NR3C2: variants seen among roughly 807,000 people sequenced by gnomAD.
NR3C2 encodes the protein nuclear receptor subfamily 3 group C member 2, also known as mineralocorticoid receptor.
A neutral mutation model predicts 86.4 loss-of-function variants in NR3C2; 15 were observed. The observed-to-expected ratio is 0.17, with a 90% CI of 0.12 to 0.27. The LOEUF is 0.27. Among genes scored for constraint, NR3C2 ranks in the 10% least tolerant of loss-of-function variants. NR3C2 has a pLI of 1.00. For missense variants in NR3C2, 960 were observed against 1,195.6 expected, an observed-to-expected ratio of 0.80 and a Z score of 2.91; for synonymous variants, 458 against 450.5, an observed-to-expected ratio of 1.02 and a Z score of -0.21.
At chr4:148,439,512 A>G (rs561324093) in intron 1 of NR3C2, among the ~76,000 whole-genome samples, 2 of 152,162 alleles carry the variant, frequency 1.3e-5, no homozygotes, top group East Asian at 3.9e-4. Context: ...CGTCACTCAC[A>G]TAGCCTCATT....
At chr4:148,094,726 A>AAC (rs1305688892) in intron 8 of NR3C2, among the ~76,000 whole-genome samples, 4 of 150,518 alleles carry the variant, frequency 2.7e-5, no homozygotes, top group African/African-American at 9.9e-5. Context: ...AAAAAAAAAA[A>AAC]CAAAAAAAAC....
Position 148,267,489 on chromosome 4 carries a change from T to G in NR3C2, c.1758-7372A>C, listed in dbSNP as rs138446165. Among the ~76,000 whole-genome samples, 3 of 152,252 alleles carry G rather than the reference T, an allele frequency of 2.0e-5. No homozygotes were observed. In the East Asian group the frequency reaches 5.8e-4, roughly 29 times the overall value. The stretch of plus-strand genomic sequence containing the variant: ...GGTAATTCTACCATTCTGTATTATA[T>G]TCTTCTGTATGGCTTTTAATTTGTA... On this transcript the variant is annotated intron_variant, in intron 2 of 8. Transcript: ENST00000358102.
At chr4:148,338,904 A>G (rs887142272) in intron 2 of NR3C2, among the ~76,000 whole-genome samples, 1 of 152,236 alleles carries the variant, frequency 6.6e-6, no homozygotes, top group Admixed American at 6.5e-5. Flanking sequence ...AAACTACAAA[A>G]TAAGTGTTTC....
chr4:148,335,588 T>G (rs4835512), intron 2 of NR3C2, among the ~76,000 whole-genome samples: 98,909 of 151,888 alleles, frequency 0.65, 33,725 homozygotes, highest in Non-Finnish European at 0.75. Context: ...TTGGTAAAAT[T>G]TATTTAAAGT....
At chr4:148,320,837 T>C (rs1366003573) in intron 2 of NR3C2, among the ~76,000 whole-genome samples, 4 of 150,972 alleles carry the variant, frequency 2.6e-5, no homozygotes, top group African/African-American at 9.8e-5. Context: ...AGCTCCTGGA[T>C]TCATTAATTT....
intron 2 of NR3C2, among the ~76,000 whole-genome samples, chr4:148,332,553 T>G (rs529503655): frequency 6.6e-6 from 1 of 152,358 alleles, no homozygotes; most frequent in South Asian, 2.1e-4. Context: ...TTTGCTTTTT[T>G]ATTTGTGTCA....
chr4:148,297,223 A>G (rs989232082), intron 2 of NR3C2, among the ~76,000 whole-genome samples: 10 of 152,238 alleles, frequency 6.6e-5, no homozygotes, highest in African/African-American at 2.2e-4. Flanking sequence ...CAACACATCT[A>G]TTAAAAACAT....
intron 2 of NR3C2, among the ~76,000 whole-genome samples, chr4:148,319,464 G>C (rs1215283195): frequency 6.6e-6 from 1 of 151,304 alleles, no homozygotes; most frequent in Non-Finnish European, 1.5e-5. Flanking sequence ...AAATTACCTT[G>C]GGCAGTATGG....
At chr4:148,399,373 TATTA>T (rs1203608165) in intron 2 of NR3C2, among the ~76,000 whole-genome samples, 6 of 151,886 alleles carry the variant, frequency 4.0e-5, no homozygotes, top group Admixed American at 2.0e-4. Context: ...TGTTTTTCTA[TATTA>T]ATTATATATA....
At chr4:148,278,497 T>A (rs181978265) in intron 2 of NR3C2, among the ~76,000 whole-genome samples, 4 of 152,278 alleles carry the variant, frequency 2.6e-5, no homozygotes, top group African/African-American at 9.6e-5. Flanking sequence ...AGGACCCTAG[T>A]CTGATTACAA....
intron 2 of NR3C2, among the ~76,000 whole-genome samples, chr4:148,370,323 A>G (rs990418148): frequency 1.3e-5 from 2 of 152,220 alleles, no homozygotes; most frequent in South Asian, 2.1e-4. Context: ...TTTTCTACAG[A>G]TAAGTATTTG....
rs1375693723 is a variant in NR3C2 at position 148,363,504 on chromosome 4, C to CTTTTTTTTTTTTTTTTTTTTTTTTT, written c.1757+71599_1757+71600insAAAAAAAAAAAAAAAAAAAAAAAAA. 2.7e-3 allele frequency among the ~76,000 whole-genome samples: 191 copies of CTTTTTTTTTTTTTTTTTTTTTTTTT among 69,648 alleles called. 48 individuals carry two copies. Among genetic ancestry groups the CTTTTTTTTTTTTTTTTTTTTTTTTT allele is most frequent in the African/African-American group, 4.7e-3 (79 of 16,762 alleles). The allele number at this position is 69,648 out of a possible 152,430, so 45.7% of individuals were successfully genotyped here. ...ATTAAAGTCTAGACTTCTCATAGATCTCTTTTTTTTTTTTTTTGAGACGGA... is the reference window on the plus strand; with the variant it reads ...ATTAAAGTCTAGACTTCTCATAGATCTTTTTTTTTTTTTTTTTTTTTTTTTTCTTTTTTTTTTTTTTTGAGACGGA... On this transcript the variant is annotated intron_variant, in intron 2 of 8. Transcript: ENST00000358102.
rs577583266 is a variant in NR3C2, at chr4:148,099,469, A to G, written c.2799+14635T>C. 7.2e-5 allele frequency among the ~76,000 whole-genome samples: 11 copies of G among 152,342 alleles called. 1 individual carries two copies. In the South Asian group the frequency reaches 1.9e-3, roughly 26 times the overall value. On this transcript the variant is annotated intron_variant, in intron 8 of 8. Coordinates refer to ENST00000358102, the MANE Select transcript of NR3C2 (RefSeq NM_000901.5). ...TTATGAGCCCGTGAAAATGCATTTA[A>G]TCACCCCATCTTAATTCCTTTCTCT...
chr4:148,272,027 T>C (rs1215993588), intron 2 of NR3C2, among the ~76,000 whole-genome samples: 2 of 152,182 alleles, frequency 1.3e-5, no homozygotes, highest in Non-Finnish European at 2.9e-5. Flanking sequence ...ATCTTCTCCC[T>C]CTATTTATTT....
chr4:148,103,690 G>A (rs1731644696), intron 8 of NR3C2, among the ~76,000 whole-genome samples: 1 of 152,168 alleles, frequency 6.6e-6, no homozygotes, highest in Non-Finnish European at 1.5e-5. Flanking sequence ...AAACCCTAGG[G>A]GAGCTCCGAG....
intron 8 of NR3C2, among the ~76,000 whole-genome samples, chr4:148,104,319 T>TTTTTTG (rs1731678785): frequency 7.8e-6 from 1 of 128,068 alleles, no homozygotes; most frequent in Admixed American, 7.5e-5. Flanking sequence ...TGAGATTTGT[T>TTTTTTG]TGTTTTTTTG....
intron 2 of NR3C2, among the ~76,000 whole-genome samples, chr4:148,274,755 T>C (rs1483996649): frequency 6.7e-6 from 1 of 148,714 alleles, no homozygotes; most frequent in Non-Finnish European, 1.5e-5. Flanking sequence ...TGGAGTGCAA[T>C]GGCGTGATTT....
intron 2 of NR3C2, among the ~76,000 whole-genome samples, chr4:148,378,756 A>G (rs912895237): frequency 1.1e-4 from 16 of 152,212 alleles, no homozygotes; most frequent in Middle Eastern, 3.2e-3. Flanking sequence ...TCGTGAGCCA[A>G]TTAAACCTCT....
intron 8 of NR3C2, among the ~76,000 whole-genome samples, chr4:148,090,844 G>A (rs1731028000): frequency 6.6e-6 from 1 of 152,224 alleles, no homozygotes; most frequent in Non-Finnish European, 1.5e-5. Flanking sequence ...CAGTCATGAG[G>A]GCTTCTGTTT....
Sources: allele counts gnomAD v4.1 joint callset (sites outside exome capture counted in the v4.1 genomes callset), GRCh38; gene constraint gnomAD v4.1.1; transcripts MANE v1.5; gene names NCBI Gene and HGNC (gene_info 2026-07-23, HGNC 2026-07-21).